DNAH8: variants seen among roughly 807,000 people sequenced by gnomAD.
DNAH8 encodes axonemal beta dynein heavy chain 8.
DNAH8 carries 382 observed loss-of-function variants against 562.1 expected under a neutral mutation model. The observed-to-expected ratio is 0.68, with a 90% CI of 0.63 to 0.74. DNAH8 has a LOEUF of 0.74. DNAH8 is among the 30% of genes least tolerant of loss of function. The pLI, the probability that DNAH8 is intolerant of heterozygous loss-of-function variation, is 0.00. For synonymous variants in DNAH8, 1,881 were observed against 1,919.4 expected (o/e 0.98, Z 0.52); for missense variants, 5,203 against 5,620.4 (o/e 0.93, Z 2.37).
chr6:38,805,380 A>C, intron 22 of DNAH8, 101 bp from the exon 23 acceptor site: 1 of 707,946 alleles, frequency 1.4e-6, no homozygotes, highest in Non-Finnish European at 2.5e-6. Flanking sequence ...TAAAAGTAAG[A>C]GCTTTTTAAA....
At chr6:39,013,074 G>T (rs1766336597) in intron 91 of DNAH8, among the ~76,000 whole-genome samples, 1 of 152,206 alleles carries the variant, frequency 6.6e-6, no homozygotes, top group South Asian at 2.1e-4. Flanking sequence ...GAGAACTTCA[G>T]GGGGGTCTTC....
intron 11 of DNAH8, among the ~76,000 whole-genome samples, chr6:38,768,411 G>A (rs749541212): frequency 1.3e-5 from 2 of 151,920 alleles, no homozygotes; most frequent in African/African-American, 4.8e-5. Flanking sequence ...GGGACCATGG[G>A]TGCATGCCAT....
At chr6:38,854,038 GTA>G (rs556090853) in intron 41 of DNAH8, among the ~76,000 whole-genome samples, 25 of 151,602 alleles carry the variant, frequency 1.6e-4, no homozygotes, top group South Asian at 4.2e-4. Context: ...GTGTGTGTGT[GTA>G]TATATATATG....
intron 91 of DNAH8, among the ~76,000 whole-genome samples, chr6:39,017,462 T>A (rs1162330727): frequency 1.3e-5 from 2 of 152,186 alleles, no homozygotes; most frequent in African/African-American, 4.8e-5. Context: ...GCTTTGCCAT[T>A]TGATGTTAGC....
In DNAH8 at chr6:38,873,116, G is replaced by C. The variant is rs1220862880; in HGVS notation, c.7448G>C (p.Ser2483Thr). The C allele has an allele frequency of 6.2e-7, 1 of 1,613,784 alleles. No homozygotes were observed. Residue 2483 changes from serine (S) to threonine (T), a missense_variant, in exon 51 of 93, where the codon AGC (serine) becomes ACC (threonine). Around this residue, in one of 6 missense-constraint regions of DNAH8, gnomAD observed 977 missense variants for 1,061.8 expected, o/e 0.92. Transcript: ENST00000327475. ...VSRMGMVYIS[S>T]SALSWRPILQ... ...AGGATGGGCATGGTCTATATCAGCA[G>C]CTCTGCTCTCAGCTGGAGGCCAATC... is the stretch of plus-strand genomic sequence containing the variant.
intron 45 of DNAH8, among the ~76,000 whole-genome samples, chr6:38,866,246 C>T (rs553757206): frequency 5.9e-5 from 9 of 152,232 alleles, no homozygotes; most frequent in Admixed American, 3.3e-4. Context: ...ATACTTTAGA[C>T]CATAATTATC....
At chr6:38,895,923 G>C in intron 59 of DNAH8, 110 bp from the exon 60 acceptor site, 1 of 845,170 alleles carries the variant, frequency 1.2e-6, no homozygotes, top group Non-Finnish European at 1.9e-6. Context: ...TTGTTTCCCT[G>C]TCCTGAATTG....
At chr6:38,985,777 G>A (rs1002665777) in intron 87 of DNAH8, among the ~76,000 whole-genome samples, 8 of 152,216 alleles carry the variant, frequency 5.3e-5, no homozygotes, top group African/African-American at 1.9e-4. Context: ...CAGAGGTGGA[G>A]ATTTGCATTC....
At chr6:38,828,407 C>A in intron 30 of DNAH8, 119 bp downstream of exon 30, 1 of 565,252 alleles carries the variant, frequency 1.8e-6, no homozygotes, top group East Asian at 3.2e-5. Flanking sequence ...ATGTTTCAGT[C>A]AACAACAGAC....
At chr6:38,750,188 T>A (rs1040390426) in intron 8 of DNAH8, among the ~76,000 whole-genome samples, 13 of 152,184 alleles carry the variant, frequency 8.5e-5, no homozygotes, top group African/African-American at 1.9e-4. Flanking sequence ...TAATATAATG[T>A]CACAAATAAT....
intron 80 of DNAH8, among the ~76,000 whole-genome samples, chr6:38,947,999 C>T (rs951159021): frequency 1.1e-4 from 16 of 152,280 alleles, no homozygotes; most frequent in African/African-American, 3.9e-4. Context: ...CTGCCCGCCT[C>T]TGCCTCCCAA....
At position 39,023,480 on chromosome 6, in the gene DNAH8, G is replaced by A. The variant is rs971427610; in HGVS notation, c.13715-3066G>A. On this transcript the variant is annotated intron_variant, in intron 91 of 92. Transcript: ENST00000327475. Reference sequence around the variant, plus strand: ...TGCACTCCAGCCTGGGCGACAGAGCGAGACACCGTCTAAAAAACAATCAAA... The same window carrying A: ...TGCACTCCAGCCTGGGCGACAGAGCAAGACACCGTCTAAAAAACAATCAAA... Among the ~76,000 whole-genome samples the A allele has an allele frequency of 4.6e-5, 7 of 152,228 alleles. No homozygotes were observed. The South Asian group carries it at 1.5e-3, about 32-fold the overall frequency.
In DNAH8 at chr6:38,868,156, T is replaced by C. The variant is rs773895088; in HGVS notation, c.6788T>C (p.Ile2263Thr). 6.8e-5 allele frequency: 109 copies of C among 1,613,800 alleles called. No homozygotes were observed. The highest frequency in any genetic ancestry group is 3.8e-4 in the Admixed American group (23 of 59,996). The change falls in exon 48 of 93, where the codon ATT becomes ACT. Residue 2263 changes from isoleucine (I) to threonine (T), a missense_variant. Ile to Thr is a moderately conservative substitution (Grantham distance 89). Transcript: ENST00000327475. ...AGACCAGAAGATAGTGAATTAAGCA[T>C]TGTCATGAGAGGACTAAGAGATATG... ...RARPEDSELS[I>T]VMRGLRDMNL...
intron 68 of DNAH8, among the ~76,000 whole-genome samples, chr6:38,915,853 T>TAC (rs3047885): frequency 6.6e-6 from 1 of 150,744 alleles, no homozygotes; most frequent in Non-Finnish European, 1.5e-5. Context: ...CACACACACA[T>TAC]ACACACACAC....
rs1270600870 is a variant in DNAH8, at chr6:38,938,873, C to T, written c.11892C>T (p.Tyr3964=). The change falls in exon 79 of 93, where the codon TAC becomes TAT. Residue 3964 remains tyrosine (Y), a synonymous_variant. Transcript: ENST00000327475. ...ACCTGACATATGAAGTTTTTACATACTCTGTCAGAGGCCTATACGAAAACC... is the reference window on the plus strand; with the variant it reads ...ACCTGACATATGAAGTTTTTACATATTCTGTCAGAGGCCTATACGAAAACC... ...IEYLTYEVFT[Y]SVRGLYENHK... 2 of 1,613,012 alleles carry T rather than the reference C, an allele frequency of 1.2e-6. No individual in the cohort carries two copies. The highest frequency in any genetic ancestry group is 1.7e-6 in the Non-Finnish European group (2 of 1,179,060).
intron 59 of DNAH8, 63 bp from the exon 60 acceptor site, chr6:38,895,970 A>T: frequency 1.4e-6 from 2 of 1,400,374 alleles, no homozygotes; most frequent in Non-Finnish European, 2.0e-6. Context: ...AGGCGAAGGG[A>T]CATGTTCAGT....
chr6:38,942,503 A>T (rs913576500), intron 79 of DNAH8, among the ~76,000 whole-genome samples: 1 of 152,148 alleles, frequency 6.6e-6, no homozygotes, highest in East Asian at 1.9e-4. Context: ...CAGATAGGAG[A>T]TGCCCCTGCA....
At chr6:38,762,005 C>T (rs532892731) in intron 11 of DNAH8, among the ~76,000 whole-genome samples, 1 of 152,112 alleles carries the variant, frequency 6.6e-6, no homozygotes, top group Non-Finnish European at 1.5e-5. Flanking sequence ...TCATCTCCTC[C>T]ATGGCTGCCT....
At chr6:38,757,705 G>A (rs1766058697) in intron 10 of DNAH8, among the ~76,000 whole-genome samples, 1 of 152,172 alleles carries the variant, frequency 6.6e-6, no homozygotes, top group Non-Finnish European at 1.5e-5. Flanking sequence ...TGTATAAGGT[G>A]TAAGGAAGGG....
Sources: gnomAD v4.1 joint callset for allele counts (sites outside exome capture counted in the v4.1 genomes callset) on GRCh38, gnomAD v4.1.1 for gene constraint, gnomAD v4.1.1 regional missense constraint, MANE v1.5 for transcripts, NCBI Gene and HGNC (gene_info 2026-07-23, HGNC 2026-07-21) for gene names.